Variants in SPATS1 observed in about 807,000 individuals in gnomAD.
SPATS1 encodes the protein spermatogenesis-associated serine-rich protein 1.
In SPATS1, 23 loss-of-function variants were observed where a neutral mutation model predicts 33.6. That is an observed-to-expected ratio of 0.68 (90% CI 0.49 to 0.97). The LOEUF is 0.97. Ranked by LOEUF, SPATS1 falls within the 50% of genes least tolerant of loss-of-function variation. The pLI, the probability that SPATS1 is intolerant of heterozygous loss-of-function variation, is 0.00. For missense variants in SPATS1, 327 were observed against 361.0 expected (o/e 0.91, Z 0.76); for synonymous variants, 131 against 125.6 (o/e 1.04, Z -0.29).
chr6:44,371,988 T>C (rs1163085193), intron 7 of SPATS1, among the ~76,000 whole-genome samples: 2 of 149,180 alleles, frequency 1.3e-5, no homozygotes, highest in South Asian at 2.1e-4. Flanking sequence ...CCGGGCATGA[T>C]GGCTCACTCC....
intron 3 of SPATS1, among the ~76,000 whole-genome samples, chr6:44,353,324 G>A (rs941291996): frequency 3.3e-5 from 5 of 152,170 alleles, no homozygotes; most frequent in Admixed American, 6.5e-5. Flanking sequence ...TACTTTTCCC[G>A]GAAAGGGACC....
At chr6:44,357,542 C>G (rs560699034) in intron 3 of SPATS1, among the ~76,000 whole-genome samples, 28 of 152,280 alleles carry the variant, frequency 1.8e-4, no homozygotes, top group Non-Finnish European at 3.4e-4. Flanking sequence ...GCCACCACAC[C>G]TGGCTAATTT....
intron 7 of SPATS1, among the ~76,000 whole-genome samples, chr6:44,373,838 G>T (rs762547852): frequency 6.6e-6 from 1 of 152,292 alleles, no homozygotes; most frequent in Non-Finnish European, 1.5e-5. Context: ...TTTGAGTACC[G>T]TTTATGCACT....
At chr6:44,356,671 C>A (rs1400893148) in intron 3 of SPATS1, among the ~76,000 whole-genome samples, 1 of 152,194 alleles carries the variant, frequency 6.6e-6, no homozygotes, top group African/African-American at 2.4e-5. Flanking sequence ...TGCCCACAGG[C>A]TTCCCTCAGT....
chr6:44,353,951 G>A (rs1242758945), intron 3 of SPATS1, among the ~76,000 whole-genome samples: 2 of 151,438 alleles, frequency 1.3e-5, no homozygotes, highest in East Asian at 3.9e-4. Flanking sequence ...GCAGGAGAAT[G>A]GCGTGAACCT....
At chr6:44,371,572 G>T (rs1253573740) in intron 7 of SPATS1, among the ~76,000 whole-genome samples, 2 of 152,274 alleles carry the variant, frequency 1.3e-5, no homozygotes, top group Non-Finnish European at 2.9e-5. Context: ...AATTCTATTT[G>T]ATTCTTTTTT....
chr6:44,360,275 A>G (rs962046472), intron 3 of SPATS1, among the ~76,000 whole-genome samples, 171 bp from the exon 4 acceptor site: 1 of 152,220 alleles, frequency 6.6e-6, no homozygotes, highest in Non-Finnish European at 1.5e-5. Context: ...CATCTTTTCA[A>G]TAAGTTTCAG....
chr6:44,368,028 G>C (rs570445004), intron 5 of SPATS1, among the ~76,000 whole-genome samples: 134 of 152,322 alleles, frequency 8.8e-4, no homozygotes, highest in African/African-American at 3.0e-3. Flanking sequence ...AAGACTCAGG[G>C]ATTCAAAGTG....
intron 3 of SPATS1, among the ~76,000 whole-genome samples, chr6:44,359,402 C>G (rs899898529): frequency 2.6e-5 from 4 of 152,114 alleles, no homozygotes; most frequent in African/African-American, 9.7e-5. Flanking sequence ...TTGCCATTCT[C>G]CCCTCTCCCC....
intron 2 of SPATS1, among the ~76,000 whole-genome samples, chr6:44,346,124 T>C (rs1034085188): frequency 6.6e-6 from 1 of 151,710 alleles, no homozygotes; most frequent in Non-Finnish European, 1.5e-5. Context: ...CTACAAAAAA[T>C]ACAACAACAA....
At chr6:44,369,487 T>C (rs1174699497) in intron 6 of SPATS1, among the ~76,000 whole-genome samples, 2 of 151,396 alleles carry the variant, frequency 1.3e-5, no homozygotes, top group African/African-American at 4.9e-5. Context: ...GTGATGGAGG[T>C]TGCAGTGAGC....
chr6:44,358,419 G>A (rs1460778357), intron 3 of SPATS1, among the ~76,000 whole-genome samples: 1 of 152,072 alleles, frequency 6.6e-6, no homozygotes, highest in Non-Finnish European at 1.5e-5. Flanking sequence ...TAAACATAAT[G>A]CTCTATTATT....
chr6:44,353,049 C>T (rs1788336973), intron 3 of SPATS1, among the ~76,000 whole-genome samples, 176 bp downstream of exon 3: 1 of 152,196 alleles, frequency 6.6e-6, no homozygotes, highest in African/African-American at 2.4e-5. Context: ...CAAATTACTT[C>T]ACCTCCCTGG....
At chr6:44,362,086 C>T (rs1788957560) in intron 5 of SPATS1, 94 bp downstream of exon 5, 2 of 1,483,140 alleles carry the variant, frequency 1.3e-6, no homozygotes, top group African/African-American at 2.8e-5. Context: ...GGGGGCAGCC[C>T]TGTAGAGTCA....
chr6:44,376,520 C>T (rs539378329), intron 8 of SPATS1, 47 bp downstream of exon 8: 9 of 1,369,428 alleles, frequency 6.6e-6, no homozygotes, highest in East Asian at 2.5e-5. Flanking sequence ...TGGAGGAGTC[C>T]GCCGGGTATG....
At position 44,377,099 on chromosome 6, in the gene SPATS1, C is replaced by T; in HGVS notation, c.*36C>T. ...GCCCACAAAACATGTGCTGACTGCA[C>T]TCTGGCGACCCTTTTCCAGTTGATG... On this transcript the variant is annotated 3_prime_UTR_variant, in exon 9 of 9. Transcript: ENST00000674044. The T allele has an allele frequency of 6.2e-7, 1 of 1,613,714 alleles. No homozygotes were observed. The highest frequency in any genetic ancestry group is 8.5e-7 in the Non-Finnish European group (1 of 1,179,566).
intron 5 of SPATS1, among the ~76,000 whole-genome samples, chr6:44,367,540 G>A (rs1212536273): frequency 4.6e-5 from 7 of 152,158 alleles, no homozygotes; most frequent in African/African-American, 1.7e-4. Flanking sequence ...CACCTGTCAC[G>A]CTGATGGCTT....
chr6:44,369,314 TG>T (rs1789453188), intron 6 of SPATS1, among the ~76,000 whole-genome samples: 1 of 150,464 alleles, frequency 6.6e-6, no homozygotes, highest in Non-Finnish European at 1.5e-5. Context: ...AGGCCAAGGG[TG>T]GGGTGGGGTG....
chr6:44,349,412 A>G (rs1788103716), intron 2 of SPATS1, among the ~76,000 whole-genome samples: 1 of 151,700 alleles, frequency 6.6e-6, no homozygotes. Context: ...AAAGTGGTTT[A>G]GTAGTCAGAT....
Sources: allele counts gnomAD v4.1 joint callset (sites outside exome capture counted in the v4.1 genomes callset), GRCh38; gene constraint gnomAD v4.1.1; transcripts MANE v1.5; gene names NCBI Gene and HGNC (gene_info 2026-07-23, HGNC 2026-07-21).